Variants in VPS13B observed in about 807,000 individuals in gnomAD.
VPS13B encodes vacuolar protein sorting 13 homolog B, also known as intermembrane lipid transfer protein VPS13B.
A neutral mutation model predicts 426.4 loss-of-function variants in VPS13B; 285 were observed. That is an observed-to-expected ratio of 0.67 (90% CI 0.61 to 0.74). VPS13B has a LOEUF of 0.74. VPS13B is among the 30% of genes least tolerant of loss of function. The pLI is 0.00. For synonymous variants in VPS13B, 1,676 were observed against 1,676.4 expected, an observed-to-expected ratio of 1.00 and a Z score of 0.01; for missense variants, 4,537 against 4,782.6, an observed-to-expected ratio of 0.95 and a Z score of 1.51.
chr8:99,051,538 TTAAAG>T (rs1353810540), intron 3 of VPS13B, among the ~76,000 whole-genome samples: 20 of 152,250 alleles, frequency 1.3e-4, no homozygotes, highest in African/African-American at 4.6e-4. Context: ...CATATGAACT[TTAAAG>T]TAGTTTTTTC....
At position 99,511,454 on chromosome 8, in the gene VPS13B, C is replaced by T. The variant is rs1180284198; in HGVS notation, c.4575C>T (p.Asn1525=). 1 of 1,613,292 alleles carries T rather than the reference C, an allele frequency of 6.2e-7. No homozygotes were observed. Among genetic ancestry groups the T allele is most frequent in the Non-Finnish European group, 8.5e-7 (1 of 1,179,916 alleles). ...TSRNLPLIYV[N]TSVIRIFIPK... ...GCAATTTACCTTTGATTTATGTCAA[C>T]ACAAGTGTAATCAGAATTTTTATTC... Residue 1525 remains asparagine, a synonymous_variant, in exon 29 of 62, where the codon AAC becomes AAT. Transcript: ENST00000357162.
chr8:99,710,660 C>T (rs78993561), intron 36 of VPS13B, among the ~76,000 whole-genome samples: 6,327 of 151,946 alleles, frequency 0.042, 145 homozygotes, highest in East Asian at 0.056. Context: ...GTAAGTGACC[C>T]TTTGTGAAAT....
intron 39 of VPS13B, among the ~76,000 whole-genome samples, chr8:99,736,638 A>AG (rs996108236): frequency 6.6e-6 from 1 of 152,150 alleles, no homozygotes; most frequent in Non-Finnish European, 1.5e-5. Flanking sequence ...GTGAGGTGAC[A>AG]AGGCCTAAAT....
Position 99,875,646 on chromosome 8 carries a change from C to G in VPS13B, c.11974C>G (p.Leu3992Val). 1.9e-6 allele frequency: 3 copies of G among 1,614,162 alleles called. No homozygotes were observed. Among genetic ancestry groups the G allele is most frequent in the Non-Finnish European group, 2.5e-6 (3 of 1,180,026 alleles). Residue 3992 changes from leucine (L) to valine (V), a missense_variant, in exon 62 of 62, where the codon CTG (leucine) becomes GTG (valine). By Grantham distance (32) the Leu-to-Val change is conservative. This residue lies in a region of VPS13B where 4,311 missense variants were observed against 4,474.3 expected (regional missense o/e 0.96). Transcript: ENST00000357162. ...SKFTMVKNKA[L>V]RKGFP The stretch of plus-strand genomic sequence containing the variant: ...ATTTACCATGGTGAAAAATAAAGCC[C>G]TGAGGAAAGGGTTTCCTTGAGTCCC...
chr8:99,071,742 G>T (rs1844861849), intron 3 of VPS13B, among the ~76,000 whole-genome samples: 1 of 152,124 alleles, frequency 6.6e-6, no homozygotes, highest in Non-Finnish European at 1.5e-5. Flanking sequence ...TTAGAAATCT[G>T]CTTGGTGTTC....
intron 23 of VPS13B, among the ~76,000 whole-genome samples, chr8:99,462,178 C>CTCCCTCCA (rs1818874488): frequency 6.6e-6 from 1 of 150,954 alleles, no homozygotes; most frequent in Admixed American, 6.6e-5. Flanking sequence ...CCCTCCCTCC[C>CTCCCTCCA]TCCCTCCATC....
At chr8:99,282,624 T>C (rs1277174282) in intron 19 of VPS13B, among the ~76,000 whole-genome samples, 1 of 152,216 alleles carries the variant, frequency 6.6e-6, no homozygotes, top group African/African-American at 2.4e-5. Flanking sequence ...CTGTAGTCAC[T>C]TGTGCAATTC....
chr8:99,065,625 G>A (rs2132314200), intron 3 of VPS13B, among the ~76,000 whole-genome samples: 1 of 152,234 alleles, frequency 6.6e-6, no homozygotes, highest in East Asian at 1.9e-4. Flanking sequence ...CACCACTATT[G>A]TGCAACATAG....
intron 34 of VPS13B, among the ~76,000 whole-genome samples, chr8:99,655,333 T>TAA (rs1046437276): frequency 3.9e-5 from 6 of 152,208 alleles, no homozygotes; most frequent in Non-Finnish European, 8.8e-5. Context: ...CCAAGTGTCA[T>TAA]AAAAATCTGT....
At chr8:99,310,179 T>C (rs1820874478) in intron 19 of VPS13B, among the ~76,000 whole-genome samples, 1 of 152,168 alleles carries the variant, frequency 6.6e-6, no homozygotes, top group South Asian at 2.1e-4. Context: ...TTTATTTCTT[T>C]CTCCTGCCTG....
chr8:99,116,475 C>T (rs1038988160), intron 7 of VPS13B, among the ~76,000 whole-genome samples: 2 of 152,042 alleles, frequency 1.3e-5, no homozygotes, highest in African/African-American at 2.4e-5. Context: ...GCTCTGTCAC[C>T]CAGGCTGGAG....
intron 54 of VPS13B, among the ~76,000 whole-genome samples, chr8:99,839,927 T>C (rs993299645): frequency 1.3e-5 from 2 of 152,222 alleles, no homozygotes; most frequent in African/African-American, 4.8e-5. Context: ...CACAGATTGT[T>C]TATTTCCCCT....
In VPS13B at chr8:99,534,697, G is replaced by A. The variant is rs548772359; in HGVS notation, c.4745+13687G>A. Among the ~76,000 whole-genome samples the A allele has an allele frequency of 2.6e-4, 40 of 152,206 alleles. 1 individual carries two copies. The East Asian group carries it at 6.0e-3, about 23-fold the overall frequency. On this transcript the variant is annotated intron_variant, in intron 30 of 61. Coordinates refer to ENST00000357162, the MANE Select transcript of VPS13B (RefSeq NM_152564.5). Reference sequence around the variant, plus strand: ...TTGGGACTTCTGGAATATGATGGCTGTTCACCATAACCACCAACATATAAG... The same window carrying A: ...TTGGGACTTCTGGAATATGATGGCTATTCACCATAACCACCAACATATAAG...
chr8:99,801,948 A>G (rs1588723328), intron 43 of VPS13B, among the ~76,000 whole-genome samples: 1 of 152,230 alleles, frequency 6.6e-6, no homozygotes, highest in Middle Eastern at 3.4e-3. Flanking sequence ...TCAGAAGTTC[A>G]AGAGCAGCCT....
intron 19 of VPS13B, among the ~76,000 whole-genome samples, chr8:99,339,454 A>G (rs187210398): frequency 6.6e-6 from 1 of 152,242 alleles, no homozygotes; most frequent in African/African-American, 2.4e-5. Context: ...GAACTCACTC[A>G]TTATCATGAG....
intron 19 of VPS13B, among the ~76,000 whole-genome samples, chr8:99,318,038 T>G (rs1034748833): frequency 3.3e-5 from 5 of 152,224 alleles, no homozygotes; most frequent in Non-Finnish European, 7.3e-5. Flanking sequence ...TGTTAACATT[T>G]AAAACTTTGA....
At chr8:99,873,506 T>C (rs1447458641) in intron 61 of VPS13B, among the ~76,000 whole-genome samples, 3 of 152,188 alleles carry the variant, frequency 2.0e-5, no homozygotes, top group Non-Finnish European at 4.4e-5. Context: ...AAGACATGAC[T>C]GAGAGCAGGA....
intron 31 of VPS13B, 81 bp downstream of exon 31, chr8:99,556,734 C>T (rs1210404789): frequency 1.4e-6 from 2 of 1,442,328 alleles, no homozygotes; most frequent in Non-Finnish European, 1.9e-6. Flanking sequence ...TTAGCATGTC[C>T]AACCAACCTA....
intron 26 of VPS13B, among the ~76,000 whole-genome samples, chr8:99,502,602 A>G (rs1161073218): frequency 6.6e-6 from 1 of 152,164 alleles, no homozygotes; most frequent in African/African-American, 2.4e-5. Context: ...AAAATCCTTG[A>G]CTGATATCAA....
Sources: allele counts gnomAD v4.1 joint callset (sites outside exome capture counted in the v4.1 genomes callset), GRCh38; gene constraint gnomAD v4.1.1; regional missense constraint gnomAD v4.1.1; transcripts MANE v1.5; gene names NCBI Gene and HGNC (gene_info 2026-07-23, HGNC 2026-07-21).